The following SNX14 variants were observed in gnomAD, a reference collection of about 807,000 sequenced individuals.
SNX14 encodes sorting nexin 14.
Under a neutral mutation model 133.8 loss-of-function variants are expected in SNX14, and 93 were observed. The observed-to-expected ratio is 0.70, with a 90% CI of 0.59 to 0.83. The LOEUF is 0.83. Among genes scored for constraint, SNX14 ranks in the 40% least tolerant of loss-of-function variants. SNX14 has a pLI of 0.00. For synonymous variants in SNX14, 368 were observed against 365.6 expected (o/e 1.01, Z -0.07); for missense variants, 945 against 1,094.9 (o/e 0.86, Z 1.93).
At chr6:85,552,247 G>A (rs1051439288) in intron 7 of SNX14, among the ~76,000 whole-genome samples, 3 of 151,534 alleles carry the variant, frequency 2.0e-5, no homozygotes, top group Non-Finnish European at 2.9e-5. Flanking sequence ...CGTTTTAGCC[G>A]GGATGGTCTC....
chr6:85,580,940 G>A (rs1798875640), intron 1 of SNX14, among the ~76,000 whole-genome samples: 2 of 152,128 alleles, frequency 1.3e-5, no homozygotes, highest in Non-Finnish European at 2.9e-5. Flanking sequence ...ACCCTGAAGG[G>A]AAGGACACAA....
intron 21 of SNX14, among the ~76,000 whole-genome samples, chr6:85,520,612 C>T (rs1435097213): frequency 6.6e-6 from 1 of 152,126 alleles, no homozygotes; most frequent in African/African-American, 2.4e-5. Context: ...TCTGCCTCAG[C>T]CTCCCAAATT....
intron 1 of SNX14, among the ~76,000 whole-genome samples, chr6:85,591,839 C>A (rs182591678): frequency 6.6e-6 from 1 of 152,012 alleles, no homozygotes; most frequent in Non-Finnish European, 1.5e-5. Flanking sequence ...GTGAAACCCC[C>A]GTCTCTATTA....
intron 5 of SNX14, among the ~76,000 whole-genome samples, chr6:85,566,985 G>GA (rs959699687): frequency 1.0e-4 from 15 of 150,580 alleles, no homozygotes; most frequent in African/African-American, 2.4e-4. Flanking sequence ...GGTACTTGGG[G>GA]AAAAAAAAAC....
At chr6:85,546,965 CAAA>C (rs375373506) in intron 12 of SNX14, 144 bp downstream of exon 12, 11,584 of 381,600 alleles carry the variant, frequency 0.03, no homozygotes, top group South Asian at 0.042. Context: ...CCGCCTCAAA[CAAA>C]AAAAAAAAAA....
intron 6 of SNX14, among the ~76,000 whole-genome samples, chr6:85,560,790 T>C (rs1042306402): frequency 6.6e-6 from 1 of 152,108 alleles, no homozygotes; most frequent in African/African-American, 2.4e-5. Flanking sequence ...TCCCAGCACT[T>C]TGGGAGACCG....
At position 85,593,854 on chromosome 6, in the gene SNX14, C is replaced by CT; in HGVS notation, c.-137dup. The CT allele has an allele frequency of 6.7e-7, 1 of 1,488,344 alleles. No homozygotes were observed. Among genetic ancestry groups the CT allele is most frequent in the Non-Finnish European group, 8.9e-7 (1 of 1,126,302 alleles). The allele number at this position is 1,488,344 out of a possible 1,614,324, so 92.2% of individuals were successfully genotyped here. On this transcript the variant is annotated 5_prime_UTR_variant, in exon 1 of 29. Coordinates refer to ENST00000314673, the MANE Select transcript of SNX14 (RefSeq NM_153816.6). ...CCTACCGGCAGTTAGCCGCCGCAGG[C>CT]TGAGGTCGCGTCCGGCTGGGCCCAG...
intron 1 of SNX14, among the ~76,000 whole-genome samples, chr6:85,576,768 C>T (rs1797483972): frequency 6.6e-6 from 1 of 152,198 alleles, no homozygotes. Context: ...ACTTACAAAA[C>T]CTTCCAAGGC....
intron 1 of SNX14, among the ~76,000 whole-genome samples, chr6:85,584,022 A>T (rs1188810641): frequency 1.3e-5 from 2 of 152,214 alleles, no homozygotes; most frequent in African/African-American, 4.8e-5. Context: ...CAGTAACCAA[A>T]ACAGCAAGGT....
chr6:85,544,536 T>G (rs1437473978), intron 12 of SNX14, among the ~76,000 whole-genome samples: 2 of 152,144 alleles, frequency 1.3e-5, no homozygotes, highest in African/African-American at 2.4e-5. Context: ...TGGTGGCTCA[T>G]GCCTGTAATC....
intron 1 of SNX14, among the ~76,000 whole-genome samples, chr6:85,586,741 C>A (rs1432629794): frequency 1.3e-5 from 2 of 151,194 alleles, no homozygotes; most frequent in Non-Finnish European, 1.5e-5. Context: ...ACTTTTTTTT[C>A]TTTTTTTGGT....
chr6:85,548,583 A>C (rs1036156307), intron 8 of SNX14, among the ~76,000 whole-genome samples: 6 of 152,182 alleles, frequency 3.9e-5, no homozygotes, highest in Non-Finnish European at 7.3e-5. Flanking sequence ...TGAATAGCAA[A>C]GAGTTAGAGT....
At chr6:85,589,057 A>G (rs1801960872) in intron 1 of SNX14, 2 of 360,010 alleles carry the variant, frequency 5.6e-6, no homozygotes, top group African/African-American at 2.1e-5. Flanking sequence ...TTGCCGTTTC[A>G]TTTCTCTAAA....
At chr6:85,568,906 C>T (rs1006636785) in intron 4 of SNX14, among the ~76,000 whole-genome samples, 7 of 152,098 alleles carry the variant, frequency 4.6e-5, no homozygotes, top group Non-Finnish European at 1.0e-4. Context: ...CCTTTATTTC[C>T]CACATCCAGC....
intron 1 of SNX14, among the ~76,000 whole-genome samples, chr6:85,578,000 A>T (rs936181515): frequency 2.6e-5 from 4 of 152,214 alleles, no homozygotes; most frequent in Non-Finnish European, 5.9e-5. Context: ...AAATGTAGAT[A>T]ATTCTCTTTC....
chr6:85,589,762 C>T (rs1802231615), intron 1 of SNX14: 1 of 152,232 alleles, frequency 6.6e-6, no homozygotes, highest in East Asian at 1.9e-4. Flanking sequence ...AGTTTCTCCA[C>T]TAGTAATTTA....
intron 28 of SNX14, among the ~76,000 whole-genome samples, chr6:85,506,302 T>A (rs2127737307): frequency 6.6e-6 from 1 of 151,648 alleles, no homozygotes; most frequent in Admixed American, 6.5e-5. Flanking sequence ...ATGCACTTAA[T>A]ATCACAATAA....
chr6:85,560,706 G>A (rs1303141429), intron 6 of SNX14, among the ~76,000 whole-genome samples: 3 of 152,214 alleles, frequency 2.0e-5, no homozygotes, highest in East Asian at 1.9e-4. Context: ...CAAGTATGAG[G>A]TGCTATTAAT....
intron 27 of SNX14, among the ~76,000 whole-genome samples, chr6:85,507,738 T>G (rs1252221978): frequency 6.6e-6 from 1 of 152,166 alleles, no homozygotes; most frequent in Non-Finnish European, 1.5e-5. Flanking sequence ...ATGCCAAATT[T>G]TCTACAATTA....
Sources: allele counts gnomAD v4.1 joint callset (sites outside exome capture counted in the v4.1 genomes callset), GRCh38; gene constraint gnomAD v4.1.1; transcripts MANE v1.5; gene names NCBI Gene and HGNC (gene_info 2026-07-23, HGNC 2026-07-21).